WDR59: variants seen among roughly 807,000 people sequenced by gnomAD.
The protein encoded by WDR59 is WD repeat domain 59.
In WDR59, 100 loss-of-function variants were observed where a neutral mutation model predicts 131.2. That is an observed-to-expected ratio of 0.76 (90% CI 0.65 to 0.90). The LOEUF is 0.90. WDR59 is among the 40% of genes least tolerant of loss of function. WDR59 has a pLI of 0.00. For missense variants in WDR59, 1,203 were observed against 1,262.2 expected (o/e 0.95, Z 0.71); for synonymous variants, 601 against 466.2 (o/e 1.29, Z -3.72).
intron 8 of WDR59, among the ~76,000 whole-genome samples, chr16:74,931,502 A>AT (rs2031381083): frequency 6.6e-6 from 1 of 151,942 alleles, no homozygotes; most frequent in Non-Finnish European, 1.5e-5. Context: ...TGCCTGGCTA[A>AT]TTTTTTGCAT....
chr16:74,909,873 G>C lies in WDR59; in HGVS notation c.1434C>G (p.Ser478Arg). 6.2e-7 allele frequency: 1 copy of C among 1,613,074 alleles called. No individual in the cohort carries two copies. Among genetic ancestry groups the C allele is most frequent in the Non-Finnish European group, 8.5e-7 (1 of 1,179,984 alleles). ...GCTGGCGCAGGCAGGGCTCCAGGCA[G>C]CTCTGGCCACGCTTCACTTTCTGCA... ...TALQKVKRGQ[S>R]CLEPCLRQLV... The change falls in exon 15 of 26, where the codon AGC becomes AGG. Residue 478 changes from serine to arginine, a missense_variant. Coordinates refer to ENST00000262144, the MANE Select transcript of WDR59 (RefSeq NM_030581.4).
chr16:74,898,522 T>C (rs1423059786), intron 18 of WDR59, among the ~76,000 whole-genome samples: 1 of 152,072 alleles, frequency 6.6e-6, no homozygotes, highest in East Asian at 1.9e-4. Flanking sequence ...CATGGAGTTA[T>C]GGCAAAGAGG....
intron 8 of WDR59, among the ~76,000 whole-genome samples, chr16:74,929,863 A>G (rs1003902525): frequency 4.6e-5 from 7 of 152,224 alleles, no homozygotes; most frequent in Admixed American, 4.6e-4. Flanking sequence ...AAAGAATGCA[A>G]TCCTATCATT....
In WDR59 at chr16:74,890,568, T is replaced by C. The variant is rs145556637; in HGVS notation, c.2083-753A>G. On this transcript the variant is annotated intron_variant, in intron 20 of 25. Transcript: ENST00000262144. Reference sequence around the variant, plus strand: ...TCTTTTCCTAAATAATGAAAGACTTTGTTGCCTTCATTATAAAAGTTTCAG... The same window carrying C: ...TCTTTTCCTAAATAATGAAAGACTTCGTTGCCTTCATTATAAAAGTTTCAG... Among the ~76,000 whole-genome samples, 743 of 152,344 alleles carry C rather than the reference T, an allele frequency of 4.9e-3. 1 individual carries two copies. Among genetic ancestry groups the C allele is most frequent in the African/African-American group, 0.017 (698 of 41,582 alleles).
rs202059133 is a variant in WDR59 at position 74,920,274 on chromosome 16, C to CT, written c.886+1672dup. ...AATAAAGTATATGAGATATTCAACACTTTTTTTTATAAAATAGGCTTTGTA... is the reference window on the plus strand; with the variant it reads ...AATAAAGTATATGAGATATTCAACACTTTTTTTTTATAAAATAGGCTTTGTA... On this transcript the variant is annotated intron_variant, in intron 10 of 25. Transcript: ENST00000262144. Among the ~76,000 whole-genome samples, 33 of 151,998 alleles carry CT rather than the reference C, an allele frequency of 2.2e-4. No homozygotes were observed. The East Asian group carries it at 5.2e-3, about 24-fold the overall frequency.
intron 25 of WDR59, among the ~76,000 whole-genome samples, chr16:74,883,216 G>A (rs1255939916): frequency 6.6e-6 from 1 of 151,620 alleles, no homozygotes; most frequent in South Asian, 2.1e-4. Flanking sequence ...GTAGAGATGG[G>A]GTTTCACCAT....
chr16:74,899,351 T>C (rs919229018), intron 18 of WDR59, among the ~76,000 whole-genome samples: 1 of 152,140 alleles, frequency 6.6e-6, no homozygotes, highest in Non-Finnish European at 1.5e-5. Context: ...ATGCCAAAGG[T>C]AGGCTTTTGA....
rs1280809314 is a variant in WDR59, at chr16:74,871,521, T to C, written c.*2688A>G. 1 of 152,194 alleles carries C rather than the reference T, an allele frequency of 6.6e-6. No homozygotes were observed. Among genetic ancestry groups the C allele is most frequent in the East Asian group, 1.9e-4 (1 of 5,202 alleles). 9.4% of individuals were successfully genotyped at this position (152,194 alleles called of 1,614,324 possible). A position where few individuals can be genotyped will look rare whatever the true frequency, so the allele number is the denominator to read the frequency against. ...GGAATTTCCGTATTGAAGGATGACA[T>C]TATGTAATATTTTAAACTCGAAATT... is the stretch of plus-strand genomic sequence containing the variant. On this transcript the variant is annotated 3_prime_UTR_variant, in exon 26 of 26. Coordinates refer to ENST00000262144, the MANE Select transcript of WDR59 (RefSeq NM_030581.4).
intron 1 of WDR59, among the ~76,000 whole-genome samples, chr16:74,968,374 C>T (rs1407026342): frequency 6.6e-6 from 1 of 152,164 alleles, no homozygotes; most frequent in East Asian, 1.9e-4. Flanking sequence ...GCTGAGAGTG[C>T]CTCGACTTCT....
At chr16:74,951,787 T>C (rs2033013250) in intron 3 of WDR59, among the ~76,000 whole-genome samples, 2 of 152,140 alleles carry the variant, frequency 1.3e-5, no homozygotes, top group Admixed American at 1.3e-4. Flanking sequence ...AAGAGATGCA[T>C]CTTGAACAGT....
At chr16:74,964,820 T>G (rs369061951) in intron 2 of WDR59, among the ~76,000 whole-genome samples, 1 of 152,068 alleles carries the variant, frequency 6.6e-6, no homozygotes, top group African/African-American at 2.4e-5. Context: ...GGAGGCACTT[T>G]GGGAGGCCAA....
At chr16:74,931,708 T>TA (rs1348948287) in intron 8 of WDR59, among the ~76,000 whole-genome samples, 1 of 150,380 alleles carries the variant, frequency 6.6e-6, no homozygotes, top group Non-Finnish European at 1.5e-5. Context: ...ACCCATCTCT[T>TA]AAAAAAACCT....
At chr16:74,918,595 T>C (rs1966503215) in intron 10 of WDR59, among the ~76,000 whole-genome samples, 1 of 152,222 alleles carries the variant, frequency 6.6e-6, no homozygotes, top group Non-Finnish European at 1.5e-5. Context: ...CTGAATCATA[T>C]TTTCATCTTA....
intron 23 of WDR59, among the ~76,000 whole-genome samples, chr16:74,887,170 A>G (rs1676973322): frequency 6.6e-6 from 1 of 152,042 alleles, no homozygotes; most frequent in African/African-American, 2.4e-5. Flanking sequence ...CTTCTCTAAT[A>G]CTTTTTGCTT....
At chr16:74,955,720 A>G (rs1342786183) in intron 3 of WDR59, among the ~76,000 whole-genome samples, 2 of 152,074 alleles carry the variant, frequency 1.3e-5, no homozygotes, top group Non-Finnish European at 2.9e-5. Context: ...ACAAGAACAG[A>G]CTGAGACAGA....
In WDR59 at chr16:74,940,412, A is replaced by C. The variant is rs542045834; in HGVS notation, c.535-2146T>G. The stretch of plus-strand genomic sequence containing the variant: ...AAAAAAACAACAACAAAAACAAACA[A>C]ACAAAAACATGTACTTTAAAGGCTA... On this transcript the variant is annotated intron_variant, in intron 7 of 25. Transcript: ENST00000262144. Among the ~76,000 whole-genome samples, 8 of 151,980 alleles carry C rather than the reference A, an allele frequency of 5.3e-5. No individual in the cohort carries two copies. The South Asian group carries it at 1.5e-3, about 28-fold the overall frequency.
chr16:74,946,326 AG>A lies in WDR59; in HGVS notation c.445+2192del, dbSNP rs1567420905. Reference sequence around the variant, plus strand: ...TCTTGGACTGTGTCCCCTGAGAATGAGGGGGGATTACTGTATTACTATATTA... The same window carrying A: ...TCTTGGACTGTGTCCCCTGAGAATGAGGGGGATTACTGTATTACTATATTA... On this transcript the variant is annotated intron_variant, in intron 6 of 25. Transcript: ENST00000262144. 3.3e-5 allele frequency among the ~76,000 whole-genome samples: 5 copies of A among 152,120 alleles called. No individual in the cohort carries two copies. In the South Asian group the frequency reaches 1.0e-3, roughly 32 times the overall value.
intron 6 of WDR59, among the ~76,000 whole-genome samples, chr16:74,944,740 G>C (rs2032486892): frequency 6.6e-6 from 1 of 151,836 alleles, no homozygotes; most frequent in African/African-American, 2.4e-5. Context: ...GCACCACTGA[G>C]AAACCTCACT....
At chr16:74,937,616 C>T (rs1208144311) in intron 8 of WDR59, among the ~76,000 whole-genome samples, 1 of 152,156 alleles carries the variant, frequency 6.6e-6, no homozygotes, top group Admixed American at 6.6e-5. Context: ...ATTCTTGTGT[C>T]TCAGCCTCCC....
Sources: allele counts gnomAD v4.1 joint callset (sites outside exome capture counted in the v4.1 genomes callset), GRCh38; gene constraint gnomAD v4.1.1; transcripts MANE v1.5; gene names NCBI Gene and HGNC (gene_info 2026-07-23, HGNC 2026-07-21).